The following CTNNA3 variants were observed in gnomAD, a reference collection of about 807,000 sequenced individuals.
The protein encoded by CTNNA3 is catenin alpha 3, also known as catenin alpha-3.
A neutral mutation model predicts 95.7 loss-of-function variants in CTNNA3; 76 were observed. That is an observed-to-expected ratio of 0.79 (90% CI 0.66 to 0.96). The LOEUF is 0.96. CTNNA3 is among the 40% of genes least tolerant of loss of function. The pLI is 0.00. For synonymous variants in CTNNA3, 431 were observed against 374.4 expected, an observed-to-expected ratio of 1.15 and a Z score of -1.74; for missense variants, 1,191 against 1,089.8, an observed-to-expected ratio of 1.09 and a Z score of -1.31.
In CTNNA3 at chr10:66,571,901, C is replaced by T. The variant is rs190206132; in HGVS notation, c.1374+49791G>A. On this transcript the variant is annotated intron_variant, in intron 10 of 17. Coordinates refer to ENST00000433211, the MANE Select transcript of CTNNA3 (RefSeq NM_013266.4). ...TGATTAATTTGTATAGAATCACTGA[C>T]GCATTTTTTAAAGAAATTAAACAAT... Among the ~76,000 whole-genome samples, 240 of 152,210 alleles carry T rather than the reference C, an allele frequency of 1.6e-3. 1 individual carries two copies. The highest frequency in any genetic ancestry group is 5.2e-3 in the South Asian group (25 of 4,826).
At position 66,376,201 on chromosome 10, in the gene CTNNA3, T is replaced by C. The variant is rs143249263; in HGVS notation, c.1732+2951A>G. Among the ~76,000 whole-genome samples, 97 of 152,318 alleles carry C rather than the reference T, an allele frequency of 6.4e-4. 1 individual carries two copies. Among genetic ancestry groups the C allele is most frequent in the African/African-American group, 2.2e-3 (90 of 41,580 alleles). On this transcript the variant is annotated intron_variant, in intron 12 of 17. Transcript: ENST00000433211. ...AGTACAAAAGAACTGAAGTTGACACTAAGAGTATAATTTGTAAGCCTTCAC... is the reference window on the plus strand; with the variant it reads ...AGTACAAAAGAACTGAAGTTGACACCAAGAGTATAATTTGTAAGCCTTCAC...
chr10:67,711,805 T>C (rs537637911), intron 1 of CTNNA3, among the ~76,000 whole-genome samples: 2 of 143,232 alleles, frequency 1.4e-5, no homozygotes, highest in East Asian at 4.3e-4. Context: ...CGTTGTTCAA[T>C]TCCCACCTAT....
At chr10:66,878,914 T>C (rs1038459761) in intron 7 of CTNNA3, among the ~76,000 whole-genome samples, 3 of 152,158 alleles carry the variant, frequency 2.0e-5, no homozygotes, top group Admixed American at 1.3e-4. Context: ...TACAAACCAA[T>C]AAAGTGATAT....
At chr10:67,286,721 G>A (rs973272433) in intron 5 of CTNNA3, among the ~76,000 whole-genome samples, 13 of 152,114 alleles carry the variant, frequency 8.5e-5, no homozygotes, top group African/African-American at 2.9e-4. Context: ...GAAATGGGAA[G>A]GCCTTCATGA....
At chr10:67,100,472 T>C (rs1858277031) in intron 7 of CTNNA3, among the ~76,000 whole-genome samples, 1 of 151,824 alleles carries the variant, frequency 6.6e-6, no homozygotes. Flanking sequence ...CTGGAATCTT[T>C]ATCACATATT....
At chr10:67,150,720 A>C (rs558564401) in intron 7 of CTNNA3, among the ~76,000 whole-genome samples, 1 of 152,324 alleles carries the variant, frequency 6.6e-6, no homozygotes, top group African/African-American at 2.4e-5. Context: ...ACTAGCCCAA[A>C]GTCAGTGATA....
At position 66,027,054 on chromosome 10, in the gene CTNNA3, C is replaced by G. The variant is rs567246311; in HGVS notation, c.2160-38257G>C. Among the ~76,000 whole-genome samples the G allele has an allele frequency of 1.3e-4, 20 of 151,788 alleles. No individual in the cohort carries two copies. In the South Asian group the frequency reaches 4.0e-3, roughly 30 times the overall value. ...TATAAAGTCTAGGGATTTAAAAAAT[C>G]ATCTTATTAATTTTTTAGCTGTGGT... is the stretch of plus-strand genomic sequence containing the variant. On this transcript the variant is annotated intron_variant, in intron 15 of 17. Transcript: ENST00000433211.
chr10:66,842,321 A>AAAAG (rs943310944), intron 7 of CTNNA3, among the ~76,000 whole-genome samples: 6 of 152,122 alleles, frequency 3.9e-5, no homozygotes, highest in Admixed American at 6.6e-5. Context: ...CAATCAGATG[A>AAAAG]AAAGAATTAC....
At chr10:67,493,561 CAAA>C (rs61570165) in intron 5 of CTNNA3, among the ~76,000 whole-genome samples, 5 of 94,116 alleles carry the variant, frequency 5.3e-5, no homozygotes, top group African/African-American at 3.2e-5. Flanking sequence ...GACTCTGTCT[CAAA>C]AAAAAAAAAA....
intron 5 of CTNNA3, among the ~76,000 whole-genome samples, chr10:67,400,732 T>A (rs928578661): frequency 1.3e-5 from 2 of 152,202 alleles, no homozygotes; most frequent in African/African-American, 4.8e-5. Context: ...TAATTACTTT[T>A]CAAAAGTGGA....
intron 7 of CTNNA3, among the ~76,000 whole-genome samples, chr10:66,990,785 T>C (rs981548796): frequency 1.3e-5 from 2 of 152,202 alleles, no homozygotes; most frequent in African/African-American, 4.8e-5. Flanking sequence ...AATTGAATTA[T>C]GTAACCAAAA....
intron 13 of CTNNA3, among the ~76,000 whole-genome samples, chr10:66,218,893 G>C (rs2088726347): frequency 6.6e-6 from 1 of 152,200 alleles, no homozygotes; most frequent in African/African-American, 2.4e-5. Flanking sequence ...ATACAGGACA[G>C]AGTCCTAATC....
chr10:67,667,525 C>T (rs1397596489), intron 1 of CTNNA3, among the ~76,000 whole-genome samples: 1 of 152,086 alleles, frequency 6.6e-6, no homozygotes, highest in African/African-American at 2.4e-5. Context: ...AATGGCACAT[C>T]CTCTATGCTA....
chr10:66,152,053 A>T (rs2084230528), intron 13 of CTNNA3, among the ~76,000 whole-genome samples: 1 of 151,998 alleles, frequency 6.6e-6, no homozygotes, highest in South Asian at 2.1e-4. Flanking sequence ...ATCTATGCTT[A>T]TTCTTGTTTA....
chr10:66,567,540 G>A (rs1564537905), intron 10 of CTNNA3, among the ~76,000 whole-genome samples: 1 of 152,028 alleles, frequency 6.6e-6, no homozygotes, highest in Non-Finnish European at 1.5e-5. Context: ...GATCATTTAA[G>A]CCCAGGAAGT....
intron 12 of CTNNA3, among the ~76,000 whole-genome samples, chr10:66,341,889 C>G (rs2092456826): frequency 6.6e-6 from 1 of 151,358 alleles, no homozygotes; most frequent in African/African-American, 2.4e-5. Flanking sequence ...GATAGAAAGT[C>G]TTCAGAAACC....
intron 3 of CTNNA3, among the ~76,000 whole-genome samples, chr10:67,556,524 T>A (rs1045360363): frequency 7.2e-5 from 11 of 152,340 alleles, no homozygotes. Context: ...TCTTTTAGAT[T>A]TTCTAGTTTA....
chr10:67,621,174 G>GT (rs1327521474), intron 2 of CTNNA3, among the ~76,000 whole-genome samples: 1 of 151,984 alleles, frequency 6.6e-6, no homozygotes, highest in Non-Finnish European at 1.5e-5. Context: ...CTGGTTTTGT[G>GT]TAAGGCCTGG....
chr10:67,063,999 G>A (rs1855916010), intron 7 of CTNNA3, among the ~76,000 whole-genome samples: 1 of 152,162 alleles, frequency 6.6e-6, no homozygotes, highest in African/African-American at 2.4e-5. Context: ...TGGAATTTTA[G>A]AGTCATCTCC....
Sources: gnomAD v4.1 joint callset for allele counts (sites outside exome capture counted in the v4.1 genomes callset) on GRCh38, gnomAD v4.1.1 for gene constraint, MANE v1.5 for transcripts, NCBI Gene and HGNC (gene_info 2026-07-23, HGNC 2026-07-21) for gene names.